Variants in CEP72 observed in about 807,000 individuals in gnomAD.
CEP72 encodes the protein centrosomal protein 72, also known as centrosomal protein of 72 kDa.
A neutral mutation model predicts 65.7 loss-of-function variants in CEP72; 78 were observed. That is an observed-to-expected ratio of 1.19 (90% CI 0.99 to 1.43). CEP72 has a LOEUF of 1.43. Ranked by LOEUF, CEP72 falls within the 40% of genes most tolerant of loss-of-function variation. CEP72 has a pLI of 0.00. For synonymous variants in CEP72, 358 were observed against 351.7 expected, an observed-to-expected ratio of 1.02 and a Z score of -0.20; for missense variants, 914 against 832.9, an observed-to-expected ratio of 1.10 and a Z score of -1.20.
At chr5:616,957 G>T (rs568144798) in intron 1 of CEP72, among the ~76,000 whole-genome samples, 3 of 151,360 alleles carry the variant, frequency 2.0e-5, no homozygotes, top group African/African-American at 7.3e-5. Flanking sequence ...TGTGTGTGTG[G>T]GTGGGGGTTT....
downstream of CEP72, among the ~76,000 whole-genome samples, chr5:659,279 A>C (rs1464517887): frequency 6.6e-6 from 1 of 152,240 alleles, no homozygotes; most frequent in African/African-American, 2.4e-5. Flanking sequence ...GAAACATTTT[A>C]ATCTCACAAA....
At chr5:671,419 G>A (rs1246374020), downstream of CEP72, among the ~76,000 whole-genome samples, 1 of 152,152 alleles carries the variant, frequency 6.6e-6, no homozygotes, top group Admixed American at 6.5e-5. Context: ...CCCAGTCTCG[G>A]CCTGGGCAGG....
chr5:668,822 G>A (rs569334360), downstream of CEP72, among the ~76,000 whole-genome samples: 23 of 152,344 alleles, frequency 1.5e-4, no homozygotes, highest in East Asian at 1.7e-3. Context: ...TGATGTGTGC[G>A]CACGTGGACA....
At chr5:657,377 G>A (rs966528079), downstream of CEP72, among the ~76,000 whole-genome samples, 4 of 152,164 alleles carry the variant, frequency 2.6e-5, no homozygotes, top group Non-Finnish European at 4.4e-5. Flanking sequence ...AGCCACTTAC[G>A]ATTTTCCTTT....
At chr5:629,304 C>A (rs1310286340) in intron 4 of CEP72, among the ~76,000 whole-genome samples, 3 of 152,290 alleles carry the variant, frequency 2.0e-5, no homozygotes. Flanking sequence ...CTTTCTTGAT[C>A]ACGTGTATCT....
chr5:612,440 C>T lies in CEP72; in HGVS notation c.79C>T (p.Leu27=). The T allele has an allele frequency of 1.4e-6, 2 of 1,441,832 alleles. No individual in the cohort carries two copies. Among genetic ancestry groups the T allele is most frequent in the South Asian group, 1.3e-5 (1 of 75,064 alleles). 89.3% of individuals were successfully genotyped at this position (1,441,832 alleles called of 1,614,324 possible). ...GAGCGGCTTAGGGCCTCACCGCGAC[C>T]TGGGTGCGCCGGAGGGCGGGCGGGG... The part of the protein sequence containing the change: ...AKSGLGPHRD[L]AELQSLSIPG... Residue 27 remains leucine (L), a synonymous_variant, in exon 1 of 12, where the codon CTG becomes TTG. Coordinates refer to ENST00000264935, the MANE Select transcript of CEP72 (RefSeq NM_018140.4).
In CEP72 at chr5:621,832, G is replaced by A. The variant is rs541039307; in HGVS notation, c.403+1571G>A. Reference sequence around the variant, plus strand: ...TTCATCGCCCAGGCTGGAGTGCAGTGGCGTGATCTTAGCTCACTGCAACCT... The same window carrying A: ...TTCATCGCCCAGGCTGGAGTGCAGTAGCGTGATCTTAGCTCACTGCAACCT... On this transcript the variant is annotated intron_variant, in intron 3 of 11. Transcript: ENST00000264935. 2.0e-5 allele frequency among the ~76,000 whole-genome samples: 3 copies of A among 152,306 alleles called. No homozygotes were observed. In the East Asian group the frequency reaches 5.8e-4, roughly 29 times the overall value.
intron 2 of CEP72, among the ~76,000 whole-genome samples, chr5:619,729 T>C (rs559808565): frequency 1.2e-4 from 19 of 152,280 alleles, no homozygotes; most frequent in African/African-American, 4.6e-4. Context: ...CTTTCTCATC[T>C]GTGAAGGGGG....
intron 9 of CEP72, 33 bp from the exon 10 acceptor site, chr5:644,266 T>G (rs1342206756): frequency 1.9e-6 from 3 of 1,605,506 alleles, no homozygotes; most frequent in Non-Finnish European, 2.6e-6. Context: ...TGAATTTGAC[T>G]TGTGCACTTA....
At chr5:646,310 T>C (rs914281138) in intron 10 of CEP72, among the ~76,000 whole-genome samples, 3 of 152,234 alleles carry the variant, frequency 2.0e-5, no homozygotes, top group Middle Eastern at 3.2e-3. Flanking sequence ...TACGTTGTTT[T>C]TTCGTTTCTT....
At chr5:644,497 A>G in intron 10 of CEP72, 72 bp downstream of exon 10, 1 of 1,536,716 alleles carries the variant, frequency 6.5e-7, no homozygotes, top group Non-Finnish European at 9.0e-7. Context: ...ACTTTGTTTT[A>G]AATTCTTCAC....
intron 1 of CEP72, among the ~76,000 whole-genome samples, chr5:617,333 C>T (rs577551955): frequency 1.2e-3 from 179 of 152,186 alleles, no homozygotes; most frequent in Non-Finnish European, 2.2e-3. Flanking sequence ...TGTGTCCTCT[C>T]CATGTTGCCT....
intron 10 of CEP72, 24 bp from the exon 11 acceptor site, chr5:647,781 C>CT (rs568985937): frequency 5.9e-3 from 7,920 of 1,343,508 alleles, no homozygotes; most frequent in Non-Finnish European, 7.0e-3. Flanking sequence ...ATTAATGGTA[C>CT]TTTTTTTTTT....
In CEP72 at chr5:639,371, C is replaced by T. The variant is rs189416592; in HGVS notation, c.1342+147C>T. 2,380 of 891,192 alleles carry T rather than the reference C, an allele frequency of 2.7e-3. 7 individuals are homozygous for T. Among genetic ancestry groups the T allele is most frequent in the Non-Finnish European group, 3.4e-3 (2,031 of 603,406 alleles). 55.2% of individuals were successfully genotyped at this position (891,192 alleles called of 1,614,324 possible). ...GCGTGTGGTGGTCCCGCGCCTGGGC[C>T]CTCCCTGGCAGTCTTTGCATCTCAC... On this transcript the variant is annotated intron_variant, in intron 8 of 11. Transcript: ENST00000264935.
exon 4 of CEP72, chr5:666,015 C>T: frequency 6.3e-7 from 1 of 1,578,364 alleles, no homozygotes; most frequent in South Asian, 1.1e-5. Context: ...TGAGCCTGTG[C>T]ACCTCGCGAA....
chr5:613,861 G>T (rs761017052), intron 1 of CEP72, among the ~76,000 whole-genome samples: 4 of 152,174 alleles, frequency 2.6e-5, no homozygotes, highest in Non-Finnish European at 5.9e-5. Context: ...AAAACTTAAC[G>T]GTTTATAATG....
intron 11 of CEP72, among the ~76,000 whole-genome samples, chr5:649,639 CTG>C (rs1362907615): frequency 3.3e-5 from 3 of 90,568 alleles, no homozygotes; most frequent in African/African-American, 8.6e-5. Context: ...TGAGGTGTGA[CTG>C]TGAGGTGTGA....
chr5:657,523 C>G (rs1472414570), downstream of CEP72, among the ~76,000 whole-genome samples: 1 of 152,200 alleles, frequency 6.6e-6, no homozygotes, highest in African/African-American at 2.4e-5. Flanking sequence ...ATGGAACTTG[C>G]TGGTGAAGTC....
chr5:612,744 C>G (rs941082561), intron 1 of CEP72: 1 of 645,068 alleles, frequency 1.6e-6, no homozygotes, highest in African/African-American at 2.0e-5. Context: ...CCTTGCTGTC[C>G]AGGAGCGCAG....
Sources: allele counts gnomAD v4.1 joint callset (sites outside exome capture counted in the v4.1 genomes callset), GRCh38; gene constraint gnomAD v4.1.1; transcripts MANE v1.5; gene names NCBI Gene and HGNC (gene_info 2026-07-23, HGNC 2026-07-21).